Variants in PARP14 observed in about 807,000 individuals in gnomAD.
The protein encoded by PARP14 is poly(ADP-ribose) polymerase family member 14, also known as protein mono-ADP-ribosyltransferase PARP14.
PARP14 carries 59 observed loss-of-function variants against 154.2 expected under a neutral mutation model. The observed-to-expected ratio is 0.38, with a 90% CI of 0.31 to 0.48. The LOEUF (loss-of-function observed/expected upper bound fraction) is 0.48, where lower values mean the gene tolerates loss of function less well. Among genes scored for constraint, PARP14 ranks in the 20% least tolerant of loss-of-function variants. PARP14 has a pLI of 0.98. For synonymous variants in PARP14, 720 were observed against 780.5 expected, an observed-to-expected ratio of 0.92 and a Z score of 1.29; for missense variants, 1,734 against 2,131.6, an observed-to-expected ratio of 0.81 and a Z score of 3.67.
At chr3:122,725,224 G>A (rs912281953) in intron 15 of PARP14, among the ~76,000 whole-genome samples, 75 of 152,064 alleles carry the variant, frequency 4.9e-4, no homozygotes, top group Middle Eastern at 3.4e-3. Context: ...CTTCCCATAC[G>A]GGGCGGTTGG....
intron 14 of PARP14, among the ~76,000 whole-genome samples, chr3:122,719,281 A>G (rs759390948): frequency 2.0e-5 from 3 of 152,186 alleles, no homozygotes; most frequent in African/African-American, 4.8e-5. Context: ...GGGAAGGAAA[A>G]CCATAGGCTT....
chr3:122,695,964 G>A (rs1255580622), intron 5 of PARP14, among the ~76,000 whole-genome samples: 1 of 152,140 alleles, frequency 6.6e-6, no homozygotes, highest in Non-Finnish European at 1.5e-5. Context: ...GAGATGATCT[G>A]TGTTTTAGCC....
intron 8 of PARP14, among the ~76,000 whole-genome samples, chr3:122,707,582 G>A (rs1384971249): frequency 4.6e-5 from 7 of 152,208 alleles, no homozygotes; most frequent in South Asian, 2.1e-4. Flanking sequence ...AGACCAGCTT[G>A]AGCAACATAG....
intron 9 of PARP14, among the ~76,000 whole-genome samples, chr3:122,712,172 C>T (rs1939337913): frequency 6.6e-6 from 1 of 151,884 alleles, no homozygotes; most frequent in Admixed American, 6.6e-5. Context: ...TTACTTTGAC[C>T]TCATGGATCA....
intron 7 of PARP14, 38 bp downstream of exon 7, chr3:122,704,016 G>A: frequency 6.9e-7 from 1 of 1,439,076 alleles, no homozygotes; most frequent in Non-Finnish European, 9.8e-7. Context: ...AAGTTGGGTA[G>A]CCCTTTGGGT....
intron 8 of PARP14, among the ~76,000 whole-genome samples, chr3:122,705,319 G>C (rs891535477): frequency 6.6e-6 from 1 of 151,968 alleles, no homozygotes; most frequent in Non-Finnish European, 1.5e-5. Flanking sequence ...TCCAAATAAG[G>C]CCCACATATT....
At chr3:122,720,508 G>A (rs1933137826) in intron 15 of PARP14, 120 bp downstream of exon 15, 1 of 906,706 alleles carries the variant, frequency 1.1e-6, no homozygotes, top group Non-Finnish European at 1.8e-6. Context: ...ATTAGAATTT[G>A]TATGGTAATT....
chr3:122,715,642 C>G (rs1222564292), intron 12 of PARP14, among the ~76,000 whole-genome samples: 2 of 151,568 alleles, frequency 1.3e-5, no homozygotes, highest in African/African-American at 4.9e-5. Context: ...ATCTATCTAT[C>G]TATCTATCTA....
intron 8 of PARP14, among the ~76,000 whole-genome samples, chr3:122,705,438 T>A (rs1939124815): frequency 6.6e-6 from 1 of 152,182 alleles, no homozygotes; most frequent in South Asian, 2.1e-4. Context: ...GAAGGTGTGG[T>A]TAGAATGGAT....
At chr3:122,708,079 A>G (rs1939215255) in intron 8 of PARP14, 111 bp from the exon 9 acceptor site, 1 of 597,056 alleles carries the variant, frequency 1.7e-6, no homozygotes, top group African/African-American at 1.9e-5. Context: ...ACTGTTTGAG[A>G]ATGGTTATCT....
chr3:122,705,219 T>C (rs1244492844), intron 8 of PARP14, among the ~76,000 whole-genome samples: 1 of 152,246 alleles, frequency 6.6e-6, no homozygotes, highest in Non-Finnish European at 1.5e-5. Context: ...AAATGGACAA[T>C]AATTCCTTTA....
intron 1 of PARP14, among the ~76,000 whole-genome samples, chr3:122,683,904 T>A (rs1344958877): frequency 6.6e-6 from 1 of 152,170 alleles, no homozygotes; most frequent in African/African-American, 2.4e-5. Flanking sequence ...AAATTTAGCT[T>A]GTTGTCAGGC....
chr3:122,699,667 C>A lies in PARP14; in HGVS notation c.1113C>A (p.Thr371=). The A allele has an allele frequency of 8.1e-6, 13 of 1,613,998 alleles. No homozygotes were observed. The highest frequency in any genetic ancestry group is 1.0e-5 in the Non-Finnish European group (12 of 1,179,902). Residue 371 remains threonine (T), a synonymous_variant, in exon 6 of 17, where the codon ACC becomes ACA. Coordinates refer to ENST00000474629, the MANE Select transcript of PARP14 (RefSeq NM_017554.3). Reference sequence around the variant, plus strand: ...AAGTTACCATCAGACCAGCAGCCACCTTAGTCAATGAAGGAAGACCGAGAA... The same window carrying A: ...AAGTTACCATCAGACCAGCAGCCACATTAGTCAATGAAGGAAGACCGAGAA... ...SGKVTIRPAA[T]LVNEGRPRIK...
In PARP14 at chr3:122,695,631, T is replaced by A. The variant is rs1175800348; in HGVS notation, c.804T>A (p.Ser268Arg). ...ATGTTGAATATTTTCCTGAAGAGAG[T>A]TCAGCTCTGATTGAATTTTTTGACA... The part of the protein sequence containing the change: ...VANVEYFPEE[S>R]SALIEFFDRK... The change falls in exon 5 of 17, where the codon AGT becomes AGA. Residue 268 changes from serine to arginine, a missense_variant. By Grantham distance (110) the Ser-to-Arg change is moderately radical (BLOSUM62 -1). Coordinates refer to ENST00000474629, the MANE Select transcript of PARP14 (RefSeq NM_017554.3). 2.5e-6 allele frequency: 4 copies of A among 1,596,098 alleles called. No individual in the cohort carries two copies. In the South Asian group the frequency reaches 4.4e-5, roughly 18 times the overall value.
chr3:122,682,081 G>A (rs370937009), intron 1 of PARP14, among the ~76,000 whole-genome samples: 2 of 152,132 alleles, frequency 1.3e-5, no homozygotes, highest in South Asian at 2.1e-4. Context: ...AAAGAATGGC[G>A]CACAGAAGGA....
intron 15 of PARP14, among the ~76,000 whole-genome samples, chr3:122,727,063 G>A (rs1457250096): frequency 2.7e-5 from 4 of 150,718 alleles, no homozygotes; most frequent in Non-Finnish European, 4.4e-5. Context: ...TCTCCAAAAC[G>A]GAAAACATTC....
rs16833473 is a variant in PARP14, at chr3:122,729,079, C to T, written c.*482C>T. 308 of 157,396 alleles carry T rather than the reference C, an allele frequency of 2.0e-3. 3 individuals are homozygous for T. Among genetic ancestry groups the T allele is most frequent in the Admixed American group, 0.016 (261 of 16,400 alleles). The allele number at this position is 157,396 out of a possible 1,614,324, so 9.7% of individuals were successfully genotyped here. A position where few individuals can be genotyped will look rare whatever the true frequency, so the allele number is the denominator to read the frequency against. On this transcript the variant is annotated 3_prime_UTR_variant, in exon 17 of 17. Coordinates refer to ENST00000474629, the MANE Select transcript of PARP14 (RefSeq NM_017554.3). ...TTTTCCCTTGAGATGAGGTCTGTGC[C>T]TGATGTACAACGGATACTCCATAAA...
chr3:122,706,348 A>G (rs1939149359), intron 8 of PARP14, among the ~76,000 whole-genome samples: 1 of 152,248 alleles, frequency 6.6e-6, no homozygotes, highest in Non-Finnish European at 1.5e-5. Flanking sequence ...CGAGATGTTT[A>G]TAGATGGAGA....
In PARP14 at chr3:122,681,813, C is replaced by G. The variant is rs190680373; in HGVS notation, c.187+743C>G. On this transcript the variant is annotated intron_variant, in intron 1 of 16. Transcript: ENST00000474629. This position sits in a 1 kb window ranked among gnomAD's most constrained non-coding sequence, Gnocchi z 5.5. Reference sequence around the variant, plus strand: ...CACCACTACTTGGTGGGCCAAGAGCCCAGAGGTGATCTGCTGGCTCAAGGG... The same window carrying G: ...CACCACTACTTGGTGGGCCAAGAGCGCAGAGGTGATCTGCTGGCTCAAGGG... Among the ~76,000 whole-genome samples the G allele has an allele frequency of 1.8e-4, 28 of 152,266 alleles. No homozygotes were observed. The East Asian group carries it at 5.4e-3, about 29-fold the overall frequency.
Sources: gnomAD v4.1 joint callset for allele counts (sites outside exome capture counted in the v4.1 genomes callset) on GRCh38, gnomAD v4.1.1 for gene constraint, Gnocchi (gnomAD v3.1) non-coding constraint, MANE v1.5 for transcripts, NCBI Gene and HGNC (gene_info 2026-07-23, HGNC 2026-07-21) for gene names.